Variants in BIRC3 observed in about 807,000 individuals in gnomAD.
BIRC3 encodes baculoviral IAP repeat-containing protein 3.
BIRC3 carries 26 observed loss-of-function variants against 59.0 expected under a neutral mutation model. The observed-to-expected ratio is 0.44, with a 90% CI of 0.32 to 0.61. BIRC3 has a LOEUF of 0.61. Ranked by LOEUF, BIRC3 falls within the 20% of genes least tolerant of loss-of-function variation. BIRC3 has a pLI of 0.04. For missense variants in BIRC3, 641 were observed against 711.5 expected, an observed-to-expected ratio of 0.90 and a Z score of 1.13; for synonymous variants, 243 against 249.2, an observed-to-expected ratio of 0.98 and a Z score of 0.24.
rs1188582087 is a variant in BIRC3, at chr11:102,322,281, C to T, written c.-2229C>T. The stretch of plus-strand genomic sequence containing the variant: ...ATCAATCCACTGCAAATTAAAGAAA[C>T]ATGCAGATGAAAGTTTTGACACATT... On this transcript the variant is annotated 5_prime_UTR_variant, in exon 2 of 9. Transcript: ENST00000263464. The T allele has an allele frequency of 4.8e-6, 1 of 206,984 alleles. No individual in the cohort carries two copies. Among genetic ancestry groups the T allele is most frequent in the Non-Finnish European group, 9.9e-6 (1 of 101,514 alleles). The allele number at this position is 206,984 out of a possible 1,614,324, so 12.8% of individuals were successfully genotyped here.
chr11:102,336,416 A>G lies in BIRC3; in HGVS notation c.1579+196A>G. ...AGACCAGACTGGACAACGTGGCGAGACCCCATCACTACAAAAAATTTTTAA... is the reference window on the plus strand; with the variant it reads ...AGACCAGACTGGACAACGTGGCGAGGCCCCATCACTACAAAAAATTTTTAA... On this transcript the variant is annotated intron_variant, in intron 7 of 8. Coordinates refer to ENST00000263464, the MANE Select transcript of BIRC3 (RefSeq NM_001165.5). 3 of 626,996 alleles carry G rather than the reference A, an allele frequency of 4.8e-6. No individual in the cohort carries two copies. In the South Asian group the frequency reaches 6.9e-5, roughly 14 times the overall value. The allele number at this position is 626,996 out of a possible 1,614,324, so 38.8% of individuals were successfully genotyped here.
At chr11:102,319,260 A>C (rs1951006890) in intron 1 of BIRC3, among the ~76,000 whole-genome samples, 1 of 151,872 alleles carries the variant, frequency 6.6e-6, no homozygotes, top group African/African-American at 2.4e-5. Context: ...GTTAGCCAGG[A>C]TGGTCTCAGT....
chr11:102,326,585 A>C, intron 3 of BIRC3: 3 of 347,706 alleles, frequency 8.6e-6, no homozygotes, highest in South Asian at 2.1e-5. Flanking sequence ...GCTATTATTC[A>C]ACCCGTTTCC....
At chr11:102,317,959 C>A (rs914658765) in intron 1 of BIRC3, among the ~76,000 whole-genome samples, 17 of 152,126 alleles carry the variant, frequency 1.1e-4, no homozygotes, top group African/African-American at 3.9e-4. Context: ...GTTTAATGAG[C>A]AAATGGACGC....
chr11:102,327,507 G>A (rs1355655305), intron 3 of BIRC3, among the ~76,000 whole-genome samples: 1 of 152,026 alleles, frequency 6.6e-6, no homozygotes. Flanking sequence ...GGCCATGGTG[G>A]CAGGCACCTG....
At position 102,337,040 on chromosome 11, in the gene BIRC3, T is replaced by C; in HGVS notation, c.1753T>C (p.Leu585=). Residue 585 remains leucine, a synonymous_variant, in exon 9 of 9, where the codon TTA becomes CTA. Transcript: ENST00000263464. ...AGTATGCAAAGATTGTGCTCCTTCTTTAAGAAAGTGTCCTATTTGTAGGAG... is the reference window on the plus strand; with the variant it reads ...AGTATGCAAAGATTGTGCTCCTTCTCTAAGAAAGTGTCCTATTTGTAGGAG... ...LVVCKDCAPS[L]RKCPICRSTI... The C allele has an allele frequency of 5.6e-6, 9 of 1,598,840 alleles. No homozygotes were observed. Among genetic ancestry groups the C allele is most frequent in the Non-Finnish European group, 6.8e-6 (8 of 1,176,636 alleles).
chr11:102,332,564 CAGA>C, intron 6 of BIRC3, among the ~76,000 whole-genome samples: 1 of 152,276 alleles, frequency 6.6e-6, no homozygotes, highest in South Asian at 2.1e-4. Flanking sequence ...TCATAAAGCT[CAGA>C]AGGAGAATAA....
intron 1 of BIRC3, among the ~76,000 whole-genome samples, chr11:102,317,942 G>A (rs543944945): frequency 1.3e-5 from 2 of 152,294 alleles, no homozygotes; most frequent in Admixed American, 6.5e-5. Flanking sequence ...CAGGAAGGAA[G>A]TAAAACGTTT....
At position 102,325,337 on chromosome 11, in the gene BIRC3, T is replaced by G. The variant is rs1591520698; in HGVS notation, c.828T>G (p.Leu276=). ...GTGTTCTAGTTAATCCTGAGCAGCT[T>G]GCAAGTGCGGGTTTTTATTATGTGG... ...PSSVLVNPEQ[L]ASAGFYYVGN... The change falls in exon 2 of 9, where the codon CTT becomes CTG. Residue 276 remains leucine, a synonymous_variant. Coordinates refer to ENST00000263464, the MANE Select transcript of BIRC3 (RefSeq NM_001165.5). 3.1e-6 allele frequency: 5 copies of G among 1,599,970 alleles called. No individual in the cohort carries two copies. The highest frequency in any genetic ancestry group is 4.3e-6 in the Non-Finnish European group (5 of 1,174,066).
Position 102,324,045 on chromosome 11 carries a change from T to C in BIRC3, c.-465T>C. The C allele has an allele frequency of 4.7e-6, 1 of 211,264 alleles. No homozygotes were observed. Among genetic ancestry groups the C allele is most frequent in the Non-Finnish European group, 9.6e-6 (1 of 104,082 alleles). 13.1% of individuals were successfully genotyped at this position (211,264 alleles called of 1,614,324 possible). ...AAAATAAACATATTCTGAATATTTTTGCTGTGAAACACTTGACAGCAGAGC... is the reference window on the plus strand; with the variant it reads ...AAAATAAACATATTCTGAATATTTTCGCTGTGAAACACTTGACAGCAGAGC... On this transcript the variant is annotated 5_prime_UTR_variant, in exon 2 of 9. Transcript: ENST00000263464.
At position 102,324,398 on chromosome 11, in the gene BIRC3, AT is replaced by A; in HGVS notation, c.-107del. 1 of 1,246,470 alleles carries A rather than the reference AT, an allele frequency of 8.0e-7. No homozygotes were observed. Among genetic ancestry groups the A allele is most frequent in the Admixed American group, 2.6e-5 (1 of 37,968 alleles). The allele number at this position is 1,246,470 out of a possible 1,614,324, so 77.2% of individuals were successfully genotyped here. On this transcript the variant is annotated 5_prime_UTR_variant, in exon 2 of 9. It introduces an in-frame stop codon into an upstream open reading frame of the 5' UTR. Transcript: ENST00000263464. ...TGCATAGAAATAAAAATAATAAAAAATTTTTCATTTTGGCTTTTCAGCCTAG... is the reference window on the plus strand; with the variant it reads ...TGCATAGAAATAAAAATAATAAAAAATTTTCATTTTGGCTTTTCAGCCTAG...
intron 6 of BIRC3, among the ~76,000 whole-genome samples, chr11:102,334,806 AGAAGG>A (rs1951180426): frequency 6.6e-6 from 1 of 152,226 alleles, no homozygotes; most frequent in Non-Finnish European, 1.5e-5. Flanking sequence ...TTGTAGGACG[AGAAGG>A]TAGTCGTTGA....
rs1320326385 is a variant in BIRC3 at position 102,325,206 on chromosome 11, C to G, written c.697C>G (p.Pro233Ala). Residue 233 changes from proline to alanine, a missense_variant, in exon 2 of 9, where the codon CCA becomes GCA. Pro to Ala is a conservative substitution (Grantham distance 27). This residue lies in a region of BIRC3 where 329 missense variants were observed against 365.6 expected (regional missense o/e 0.90). Transcript: ENST00000263464. ...SEHLRHFPKC[P>A]FIENQLQDTS... ...ACACCTGAGACATTTTCCCAAATGC[C>G]CATTTATAGAAAATCAGCTTCAAGA... The G allele has an allele frequency of 3.1e-6, 5 of 1,613,946 alleles. No homozygotes were observed. Among genetic ancestry groups the G allele is most frequent in the Non-Finnish European group, 4.2e-6 (5 of 1,179,970 alleles).
Position 102,324,047 on chromosome 11 carries a change from C to G in BIRC3, c.-463C>G, listed in dbSNP as rs1951057807. The G allele has an allele frequency of 4.8e-6, 1 of 210,456 alleles. No homozygotes were observed. Among genetic ancestry groups the G allele is most frequent in the Admixed American group, 5.9e-5 (1 of 16,964 alleles). 13.0% of individuals were successfully genotyped at this position (210,456 alleles called of 1,614,324 possible). On this transcript the variant is annotated 5_prime_UTR_variant, in exon 2 of 9. Transcript: ENST00000263464. ...AATAAACATATTCTGAATATTTTTG[C>G]TGTGAAACACTTGACAGCAGAGCTT...
chr11:102,337,152 T>C lies in BIRC3; in HGVS notation c.*50T>C. On this transcript the variant is annotated 3_prime_UTR_variant, in exon 9 of 9. Transcript: ENST00000263464. ...CTTTAGAATTAATTTATTAAATGTA[T>C]TATAACTTTAACTTTTATCCTAATT... The C allele has an allele frequency of 7.7e-7, 1 of 1,292,532 alleles. No homozygotes were observed. Among genetic ancestry groups the C allele is most frequent in the Non-Finnish European group, 1.0e-6 (1 of 998,410 alleles). The allele number at this position is 1,292,532 out of a possible 1,614,324, so 80.1% of individuals were successfully genotyped here.
At chr11:102,332,244 A>G (rs1371221112) in intron 6 of BIRC3, among the ~76,000 whole-genome samples, 1 of 152,238 alleles carries the variant, frequency 6.6e-6, no homozygotes. Context: ...CTAGACAAAA[A>G]GAAATGCTGA....
rs577836544 is a variant in BIRC3 at position 102,321,324 on chromosome 11, G to A, written c.-2673-513G>A. Among the ~76,000 whole-genome samples, 4 of 152,190 alleles carry A rather than the reference G, an allele frequency of 2.6e-5. No homozygotes were observed. In the South Asian group the frequency reaches 8.3e-4, roughly 32 times the overall value. On this transcript the variant is annotated intron_variant, in intron 1 of 8. Transcript: ENST00000263464. ...ATTCTATGTAAGCCAAACATAATAT[G>A]TCTTCCAGTTTGAAACCTCTGGGTT...
intron 1 of BIRC3, 79 bp downstream of exon 1, chr11:102,317,650 CT>C (rs534537654): frequency 8.0e-4 from 122 of 153,390 alleles, no homozygotes; most frequent in African/African-American, 2.9e-3. Context: ...CGCGCCTCCC[CT>C]GGTGTAAGAG....
In BIRC3 at chr11:102,336,167, T is replaced by C. The variant is rs1407277844; in HGVS notation, c.1526T>C (p.Val509Ala). The change falls in exon 7 of 9, where the codon GTA becomes GCA. Residue 509 changes from valine to alanine, a missense_variant. By Grantham distance (64) the Val-to-Ala change is moderately conservative. Transcript: ENST00000263464. Reference protein sequence around the residue: ...ILVKGNIAATVFRNSLQEAEA... With the variant: ...ILVKGNIAATAFRNSLQEAEA... ...GTAAAAGGAAATATTGCAGCCACTGTATTCAGAAACTCTCTGCAAGAAGCT... is the reference window on the plus strand; with the variant it reads ...GTAAAAGGAAATATTGCAGCCACTGCATTCAGAAACTCTCTGCAAGAAGCT... The C allele has an allele frequency of 8.1e-6, 13 of 1,613,882 alleles. No individual in the cohort carries two copies. Among genetic ancestry groups the C allele is most frequent in the Non-Finnish European group, 1.1e-5 (13 of 1,179,884 alleles).
Sources: allele counts gnomAD v4.1 joint callset (sites outside exome capture counted in the v4.1 genomes callset), GRCh38; gene constraint gnomAD v4.1.1; regional missense constraint gnomAD v4.1.1; transcripts MANE v1.5; gene names NCBI Gene and HGNC (gene_info 2026-07-23, HGNC 2026-07-21).